GPR158: variants seen among roughly 807,000 people sequenced by gnomAD.
GPR158 encodes the protein metabotropic glycine receptor.
A neutral mutation model predicts 78.2 loss-of-function variants in GPR158; 30 were observed. The ratio of observed to expected loss-of-function variants is 0.38; its 90% CI spans 0.29 to 0.52. The LOEUF is 0.52. Among genes scored for constraint, GPR158 ranks in the 20% least tolerant of loss-of-function variants. GPR158 has a pLI of 0.83. For missense variants in GPR158, 1,463 were observed against 1,523.5 expected, an observed-to-expected ratio of 0.96 and a Z score of 0.66; for synonymous variants, 581 against 591.1, an observed-to-expected ratio of 0.98 and a Z score of 0.25.
intron 1 of GPR158, among the ~76,000 whole-genome samples, chr10:25,184,640 C>G (rs546220668): frequency 6.6e-6 from 1 of 152,292 alleles, no homozygotes; most frequent in African/African-American, 2.4e-5. Context: ...CTCACGTTAT[C>G]TGGCAGTTTT....
At chr10:25,519,913 G>A (rs796547297) in intron 5 of GPR158, among the ~76,000 whole-genome samples, 3 of 52,118 alleles carry the variant, frequency 5.8e-5, no homozygotes, top group South Asian at 7.6e-4. Flanking sequence ...GAATCTGAAC[G>A]TTGGCCTGCC....
intron 2 of GPR158, among the ~76,000 whole-genome samples, chr10:25,305,648 T>C: frequency 6.6e-6 from 1 of 152,266 alleles, no homozygotes; most frequent in East Asian, 1.9e-4. Context: ...AGTCGAGGAC[T>C]GTGTGCCTCT....
intron 4 of GPR158, among the ~76,000 whole-genome samples, chr10:25,427,720 G>T (rs181829611): frequency 6.1e-4 from 93 of 151,992 alleles, no homozygotes; most frequent in African/African-American, 2.2e-3. Context: ...ACTTGATATG[G>T]ATTCTTCCTT....
chr10:25,432,528 A>G (rs1025043685), intron 4 of GPR158, among the ~76,000 whole-genome samples: 4 of 152,220 alleles, frequency 2.6e-5, no homozygotes, highest in Admixed American at 2.0e-4. Context: ...GGGAAAAATT[A>G]TATGTTCAAA....
intron 4 of GPR158, among the ~76,000 whole-genome samples, chr10:25,459,401 G>A (rs1835329635): frequency 6.6e-6 from 1 of 152,004 alleles, no homozygotes. Context: ...TTTCCTCATA[G>A]ATGCTGGGTC....
At chr10:25,474,065 T>A (rs531907657) in intron 5 of GPR158, among the ~76,000 whole-genome samples, 1 of 151,942 alleles carries the variant, frequency 6.6e-6, no homozygotes, top group South Asian at 2.1e-4. Flanking sequence ...GACAACCAAA[T>A]AGATGGCATG....
At chr10:25,292,216 CT>C in intron 2 of GPR158, among the ~76,000 whole-genome samples, 1 of 151,996 alleles carries the variant, frequency 6.6e-6, no homozygotes, top group East Asian at 1.9e-4. Context: ...AAAAAAGGCA[CT>C]TAAGTAAAAA....
chr10:25,205,932 A>AAC (rs1853021547), intron 1 of GPR158, among the ~76,000 whole-genome samples: 2 of 149,976 alleles, frequency 1.3e-5, no homozygotes, highest in Admixed American at 6.6e-5. Flanking sequence ...AGTTCTATAG[A>AAC]TATTTGTTCA....
intron 2 of GPR158, among the ~76,000 whole-genome samples, chr10:25,251,959 C>T (rs566425282): frequency 5.9e-5 from 9 of 151,916 alleles, no homozygotes; most frequent in Admixed American, 3.3e-4. Flanking sequence ...ACCAATCAGA[C>T]GTAGATTTGG....
At chr10:25,308,111 A>G (rs1238754546) in intron 2 of GPR158, among the ~76,000 whole-genome samples, 1 of 152,056 alleles carries the variant, frequency 6.6e-6, no homozygotes, top group African/African-American at 2.4e-5. Context: ...ATTTACATGT[A>G]TTTTTTAATA....
At chr10:25,520,904 T>G (rs2130681929) in intron 5 of GPR158, among the ~76,000 whole-genome samples, 1 of 152,346 alleles carries the variant, frequency 6.6e-6, no homozygotes, top group East Asian at 1.9e-4. Flanking sequence ...CAGTTGGAGC[T>G]TCCCGGCTTC....
chr10:25,485,856 T>C (rs1835728160), intron 5 of GPR158, among the ~76,000 whole-genome samples: 1 of 152,156 alleles, frequency 6.6e-6, no homozygotes, highest in African/African-American at 2.4e-5. Context: ...AAATTCATGT[T>C]GAAAACCTAA....
At chr10:25,487,841 C>T (rs534829611) in intron 5 of GPR158, among the ~76,000 whole-genome samples, 35 of 152,092 alleles carry the variant, frequency 2.3e-4, no homozygotes, top group Non-Finnish European at 4.1e-4. Context: ...AATAAAATTG[C>T]GTTTAGATTA....
At chr10:25,244,845 T>G (rs1334234186) in intron 2 of GPR158, 2 of 142,812 alleles carry the variant, frequency 1.4e-5, no homozygotes, top group Non-Finnish European at 3.0e-5. Flanking sequence ...ATCCTAGACT[T>G]TTTTTTTTTT....
chr10:25,226,200 T>A (rs1430560525), intron 2 of GPR158, among the ~76,000 whole-genome samples: 1 of 152,166 alleles, frequency 6.6e-6, no homozygotes, highest in Non-Finnish European at 1.5e-5. Context: ...CTTCTGAAGT[T>A]TAAACCAATT....
chr10:25,338,534 A>T, intron 2 of GPR158, among the ~76,000 whole-genome samples: 2 of 78,590 alleles, frequency 2.5e-5, no homozygotes, highest in Non-Finnish European at 8.2e-5. Context: ...TATTACGTAT[A>T]TTATATATAC....
intron 10 of GPR158, among the ~76,000 whole-genome samples, chr10:25,597,505 T>G (rs1215085754): frequency 2.0e-5 from 3 of 151,778 alleles, no homozygotes; most frequent in South Asian, 2.1e-4. Flanking sequence ...ATCAGAAAAG[T>G]ACAAATCAGA....
intron 5 of GPR158, among the ~76,000 whole-genome samples, chr10:25,529,856 C>G (rs1039155055): frequency 5.9e-5 from 9 of 152,214 alleles, no homozygotes; most frequent in African/African-American, 2.2e-4. Context: ...GTGCCTAGAC[C>G]TGCCCCGTTC....
At chr10:25,312,438 A>G (rs1453716321) in intron 2 of GPR158, among the ~76,000 whole-genome samples, 1 of 152,120 alleles carries the variant, frequency 6.6e-6, no homozygotes, top group Non-Finnish European at 1.5e-5. Context: ...TTAAACTTGA[A>G]TTTTGTTATT....
Sources: gnomAD v4.1 joint callset for allele counts (sites outside exome capture counted in the v4.1 genomes callset) on GRCh38, gnomAD v4.1.1 for gene constraint, MANE v1.5 for transcripts, NCBI Gene and HGNC (gene_info 2026-07-23, HGNC 2026-07-21) for gene names.